VCAN: variants seen among roughly 807,000 people sequenced by gnomAD.
VCAN encodes the protein versican core protein.
In VCAN, 44 loss-of-function variants were observed where a neutral mutation model predicts 245.5. The observed-to-expected ratio is 0.18, with a 90% CI of 0.14 to 0.23. The LOEUF is 0.23. Among genes scored for constraint, VCAN ranks in the 10% least tolerant of loss-of-function variants. The pLI, the probability that VCAN is intolerant of heterozygous loss-of-function variation, is 1.00. For synonymous variants in VCAN, 1,413 were observed against 1,437.0 expected (o/e 0.98, Z 0.38); for missense variants, 3,793 against 4,057.9 (o/e 0.93, Z 1.77).
rs1287265979 is a variant in VCAN, at chr5:83,539,791, T to C, written c.6788T>C (p.Leu2263Ser). Residue 2263 changes from leucine to serine, a missense_variant, in exon 8 of 15, where the codon TTA (leucine) becomes TCA (serine). Physicochemically the swap from Leu to Ser is moderately radical, Grantham distance 145. This residue lies in a region of VCAN where 3,182 missense variants were observed against 3,250.3 expected (regional missense o/e 0.98). Coordinates refer to ENST00000265077, the MANE Select transcript of VCAN (RefSeq NM_004385.5). ...GGACTGGGATCAGGAGAAGAAGTTTTACCTACTCTACCAACAGAGTCAGTG... is the reference window on the plus strand; with the variant it reads ...GGACTGGGATCAGGAGAAGAAGTTTCACCTACTCTACCAACAGAGTCAGTG... ...FSGLGSGEEV[L>S]PTLPTESVNF... 6.2e-6 allele frequency: 10 copies of C among 1,614,006 alleles called. No homozygotes were observed. The South Asian group carries it at 8.8e-5, about 14-fold the overall frequency.
chr5:83,474,234 AG>A (rs1236210414), intron 1 of VCAN, among the ~76,000 whole-genome samples: 1 of 152,028 alleles, frequency 6.6e-6, no homozygotes, highest in Non-Finnish European at 1.5e-5. Flanking sequence ...GAAAAAAGAA[AG>A]GGAAGGAAGG....
At position 83,538,984 on chromosome 5, in the gene VCAN, T is replaced by A; in HGVS notation, c.5981T>A (p.Val1994Asp). The A allele has an allele frequency of 6.2e-7, 1 of 1,614,012 alleles. No homozygotes were observed. Among genetic ancestry groups the A allele is most frequent in the Non-Finnish European group, 8.5e-7 (1 of 1,179,958 alleles). The change falls in exon 8 of 15, where the codon GTC (valine) becomes GAC (aspartate). Residue 1994 changes from valine (V) to aspartate (D), a missense_variant. By Grantham distance (152) the Val-to-Asp change is radical. Coordinates refer to ENST00000265077, the MANE Select transcript of VCAN (RefSeq NM_004385.5). ...SDSEGPSSTMVSTSAFPWEEF... is the reference protein window; with the variant it reads ...SDSEGPSSTMDSTSAFPWEEF... ...TCAGAAGGACCCAGTAGCACCATGG[T>A]CAGCACTTCAGCCTTCCCCTGGGAA...
intron 7 of VCAN, among the ~76,000 whole-genome samples, chr5:83,531,920 CAT>C (rs1746536062): frequency 6.6e-6 from 1 of 152,020 alleles, no homozygotes; most frequent in South Asian, 2.1e-4. Context: ...TTCATATAAA[CAT>C]AGAAAAGATT....
chr5:83,484,414 G>A (rs563348899), intron 2 of VCAN, among the ~76,000 whole-genome samples: 1 of 150,970 alleles, frequency 6.6e-6, no homozygotes, highest in South Asian at 2.1e-4. Flanking sequence ...ATCTATCCGT[G>A]TATTCATCCA....
intron 10 of VCAN, among the ~76,000 whole-genome samples, chr5:83,549,005 C>CT (rs1580056775): frequency 6.6e-6 from 1 of 152,064 alleles, no homozygotes; most frequent in East Asian, 1.9e-4. Context: ...TGGTTTTTTT[C>CT]TTTTTTTATT....
chr5:83,545,705 GGA>G (rs1433699886), intron 9 of VCAN, 55 bp downstream of exon 9: 13 of 1,321,230 alleles, frequency 9.8e-6, no homozygotes, highest in Non-Finnish European at 1.4e-5. Flanking sequence ...ATATATTGGG[GGA>G]GAATTTATGT....
Position 83,521,996 on chromosome 5 carries a change from T to C in VCAN, c.3690T>C (p.Thr1230=). 1 of 1,614,146 alleles carries C rather than the reference T, an allele frequency of 6.2e-7. No homozygotes were observed. The highest frequency in any genetic ancestry group is 8.5e-7 in the Non-Finnish European group (1 of 1,180,026). ...CATTCAAGCCATCTTCCGCGATCAC[T>C]AAGAAACCACCTCTCATCGACAGGG... ...TSAFKPSSAI[T]KKPPLIDREP... is the part of the protein sequence containing the mutation. Residue 1230 remains threonine (T), a synonymous_variant, in exon 7 of 15, where the codon ACT becomes ACC. Transcript: ENST00000265077.
chr5:83,502,360 C>T (rs898912055), intron 5 of VCAN, among the ~76,000 whole-genome samples: 5 of 152,164 alleles, frequency 3.3e-5, no homozygotes, highest in Non-Finnish European at 5.9e-5. Flanking sequence ...AATACAGTCA[C>T]CATTTACCTC....
At chr5:83,574,431 A>G (rs1748403138) in intron 13 of VCAN, among the ~76,000 whole-genome samples, 1 of 152,220 alleles carries the variant, frequency 6.6e-6, no homozygotes, top group African/African-American at 2.4e-5. Context: ...ACAAGGTAAT[A>G]TAATAATTTC....
chr5:83,563,199 C>A (rs1299810456), intron 12 of VCAN, among the ~76,000 whole-genome samples: 2 of 152,116 alleles, frequency 1.3e-5, no homozygotes, highest in African/African-American at 4.8e-5. Context: ...CCCTGTTCAA[C>A]TAAAAGACAG....
chr5:83,574,231 C>A (rs1015412150), intron 13 of VCAN, among the ~76,000 whole-genome samples: 1 of 152,126 alleles, frequency 6.6e-6, no homozygotes, highest in African/African-American at 2.4e-5. Context: ...CTCATCCACT[C>A]ACGCTGACAC....
At chr5:83,545,816 T>C (rs946201438) in intron 9 of VCAN, among the ~76,000 whole-genome samples, 166 bp downstream of exon 9, 2 of 152,168 alleles carry the variant, frequency 1.3e-5, no homozygotes, top group East Asian at 1.9e-4. Flanking sequence ...GGCTGGAAAA[T>C]GGGTACAGAT....
rs1746007685 is a variant in VCAN, at chr5:83,519,786, G to A, written c.1480G>A (p.Glu494Lys). ...QESVTQIEQI[E>K]VGPLVTSMEI... is the part of the protein sequence containing the mutation. ...ATCGGTTACACAGATTGAACAAATA[G>A]AAGTGGGTCCTTTGGTAACATCTAT... Residue 494 changes from glutamate (E) to lysine (K), a missense_variant, in exon 7 of 15, where the codon GAA becomes AAA. Physicochemically the swap from Glu to Lys is moderately conservative, Grantham distance 56. This residue lies in a region of VCAN where 3,182 missense variants were observed against 3,250.3 expected (regional missense o/e 0.98). Coordinates refer to ENST00000265077, the MANE Select transcript of VCAN (RefSeq NM_004385.5). The A allele has an allele frequency of 6.2e-7, 1 of 1,614,158 alleles. No individual in the cohort carries two copies. The highest frequency in any genetic ancestry group is 8.5e-7 in the Non-Finnish European group (1 of 1,179,988).
chr5:83,491,080 A>G (rs1409864146), intron 3 of VCAN, among the ~76,000 whole-genome samples: 1 of 152,232 alleles, frequency 6.6e-6, no homozygotes, highest in Admixed American at 6.5e-5. Context: ...ATATTTTTTA[A>G]GATTAATATC....
chr5:83,526,856 G>A (rs999849457), intron 7 of VCAN, among the ~76,000 whole-genome samples: 11 of 152,044 alleles, frequency 7.2e-5, no homozygotes, highest in East Asian at 1.9e-4. Context: ...CTCACACTTC[G>A]GGCTTCATAC....
chr5:83,479,794 A>G (rs1056898127), intron 1 of VCAN, among the ~76,000 whole-genome samples: 9 of 152,226 alleles, frequency 5.9e-5, no homozygotes, highest in Non-Finnish European at 5.9e-5. Context: ...CTTGGACTCC[A>G]AAGAAGAGGG....
At position 83,581,984 on chromosome 5, in the gene VCAN, TA is replaced by T. The variant is rs1381626400; in HGVS notation, c.*1554del. On this transcript the variant is annotated 3_prime_UTR_variant, in exon 15 of 15. Transcript: ENST00000265077. ...TGGCCCAATATTGATTCTTTTTTTATAAAACCTCCTTTGGCTTAGAAGGAAT... is the reference window on the plus strand; with the variant it reads ...TGGCCCAATATTGATTCTTTTTTTATAAACCTCCTTTGGCTTAGAAGGAAT... The T allele has an allele frequency of 6.6e-6, 1 of 151,934 alleles. No homozygotes were observed. Among genetic ancestry groups the T allele is most frequent in the Non-Finnish European group, 1.5e-5 (1 of 67,978 alleles). The allele number at this position is 151,934 out of a possible 1,614,324, so 9.4% of individuals were successfully genotyped here. A position where few individuals can be genotyped will look rare whatever the true frequency, so the allele number is the denominator to read the frequency against.
chr5:83,521,533 C>G lies in VCAN; in HGVS notation c.3227C>G (p.Ser1076Cys), dbSNP rs1746099987. 6.2e-7 allele frequency: 1 copy of G among 1,614,022 alleles called. No individual in the cohort carries two copies. Among genetic ancestry groups the G allele is most frequent in the Non-Finnish European group, 8.5e-7 (1 of 1,179,996 alleles). ...GGCGATGGATCAGCATATACAGTCT[C>G]TGAAGATGAATTGTTGACAGGTTCT... Reference protein sequence around the residue: ...QEGDGSAYTVSEDELLTGSER... With the variant: ...QEGDGSAYTVCEDELLTGSER... Residue 1076 changes from serine to cysteine, a missense_variant, in exon 7 of 15, where the codon TCT becomes TGT. Physicochemically the swap from Ser to Cys is moderately radical, Grantham distance 112. Transcript: ENST00000265077.
At chr5:83,544,579 C>G (rs886150343) in intron 8 of VCAN, among the ~76,000 whole-genome samples, 1 of 152,102 alleles carries the variant, frequency 6.6e-6, no homozygotes, top group Admixed American at 6.6e-5. Context: ...CATAGATAAT[C>G]TATTTTATTT....
Sources: allele counts gnomAD v4.1 joint callset (sites outside exome capture counted in the v4.1 genomes callset), GRCh38; gene constraint gnomAD v4.1.1; regional missense constraint gnomAD v4.1.1; transcripts MANE v1.5; gene names NCBI Gene and HGNC (gene_info 2026-07-23, HGNC 2026-07-21).